The following KIAA1328 variants were observed in gnomAD, a reference collection of about 807,000 sequenced individuals.
KIAA1328 encodes the protein protein hinderin.
KIAA1328 carries 52 observed loss-of-function variants against 68.1 expected under a neutral mutation model. That is an observed-to-expected ratio of 0.76 (90% CI 0.61 to 0.96). The LOEUF (loss-of-function observed/expected upper bound fraction) is 0.96. Ranked by LOEUF, KIAA1328 falls within the 40% of genes least tolerant of loss-of-function variation. The pLI is 0.00. For missense variants in KIAA1328, 641 were observed against 677.6 expected, an observed-to-expected ratio of 0.95 and a Z score of 0.60; for synonymous variants, 232 against 239.4, an observed-to-expected ratio of 0.97 and a Z score of 0.28.
At chr18:36,907,843 G>C (rs539580142) in intron 5 of KIAA1328, among the ~76,000 whole-genome samples, 1 of 151,916 alleles carries the variant, frequency 6.6e-6, no homozygotes, top group Non-Finnish European at 1.5e-5. Context: ...TCTTAAATTC[G>C]TGTTAAAATT....
chr18:37,105,914 G>C (rs1358598472), intron 7 of KIAA1328, among the ~76,000 whole-genome samples: 2 of 29,112 alleles, frequency 6.9e-5, no homozygotes, highest in Non-Finnish European at 1.1e-4. Context: ...AAGACTCTGT[G>C]TCAAAAAAAA....
At chr18:37,086,549 T>C (rs913200749) in intron 7 of KIAA1328, among the ~76,000 whole-genome samples, 1 of 152,222 alleles carries the variant, frequency 6.6e-6, no homozygotes, top group Non-Finnish European at 1.5e-5. Context: ...ATCCTCTTTT[T>C]GGTTTATACC....
intron 9 of KIAA1328, among the ~76,000 whole-genome samples, chr18:37,191,111 G>A (rs1182193229): frequency 6.6e-6 from 1 of 152,040 alleles, no homozygotes; most frequent in African/African-American, 2.4e-5. Context: ...GGCTACACTT[G>A]GTTTCTCTGT....
At chr18:36,889,856 G>T (rs768146132) in intron 5 of KIAA1328, among the ~76,000 whole-genome samples, 1 of 152,212 alleles carries the variant, frequency 6.6e-6, no homozygotes, top group East Asian at 1.9e-4. Flanking sequence ...TTATGCAAGG[G>T]TTAGGCTGCT....
At chr18:37,147,144 C>T (rs1030963816) in intron 7 of KIAA1328, among the ~76,000 whole-genome samples, 1 of 152,194 alleles carries the variant, frequency 6.6e-6, no homozygotes, top group Non-Finnish European at 1.5e-5. Flanking sequence ...CATATCCAAT[C>T]TTAAACTGTC....
At chr18:36,915,619 A>G (rs147982938) in intron 5 of KIAA1328, among the ~76,000 whole-genome samples, 9 of 152,320 alleles carry the variant, frequency 5.9e-5, no homozygotes, top group Non-Finnish European at 4.4e-5. Context: ...AACTACAATG[A>G]GATAGTATTA....
At chr18:37,203,778 G>T (rs1341520147) in intron 9 of KIAA1328, among the ~76,000 whole-genome samples, 5 of 151,866 alleles carry the variant, frequency 3.3e-5, no homozygotes. Flanking sequence ...ATGCCCTCAG[G>T]CCTTTCCATG....
intron 5 of KIAA1328, among the ~76,000 whole-genome samples, chr18:36,931,389 G>T (rs370126506): frequency 1.3e-5 from 2 of 152,076 alleles, no homozygotes; most frequent in South Asian, 2.1e-4. Context: ...AACTGTACAC[G>T]CGAGGGATCT....
chr18:36,934,198 T>C (rs1402382540), intron 5 of KIAA1328, among the ~76,000 whole-genome samples: 1 of 152,136 alleles, frequency 6.6e-6, no homozygotes, highest in Non-Finnish European at 1.5e-5. Context: ...TGCAGGCAGC[T>C]TCCTCCCTCC....
Position 37,224,931 on chromosome 18 carries a change from A to G in KIAA1328, c.*2704A>G. On this transcript the variant is annotated 3_prime_UTR_variant, in exon 10 of 10. Coordinates refer to ENST00000280020, the MANE Select transcript of KIAA1328 (RefSeq NM_020776.3). ...AAGTAAGGCCCACAGTTCTTGATGC[A>G]GAGAACCAAAGTGAATCATAGAAAA... is the stretch of plus-strand genomic sequence containing the variant. 1.0e-6 allele frequency: 1 copy of G among 985,486 alleles called. No homozygotes were observed. The highest frequency in any genetic ancestry group is 1.7e-5 in the African/African-American group (1 of 57,376). 61.0% of individuals were successfully genotyped at this position (985,486 alleles called of 1,614,324 possible).
chr18:37,004,136 T>G (rs1043287108), intron 6 of KIAA1328, among the ~76,000 whole-genome samples: 3 of 152,100 alleles, frequency 2.0e-5, no homozygotes, highest in Non-Finnish European at 4.4e-5. Context: ...GATGGTGGTG[T>G]TTTGATGGGA....
chr18:37,119,069 G>T (rs575212898), intron 7 of KIAA1328, among the ~76,000 whole-genome samples: 4 of 152,288 alleles, frequency 2.6e-5, no homozygotes, highest in South Asian at 2.1e-4. Flanking sequence ...TTTGAAGGCA[G>T]TTTCTTGATC....
intron 5 of KIAA1328, among the ~76,000 whole-genome samples, chr18:36,953,140 C>T (rs1458402319): frequency 6.6e-6 from 1 of 150,470 alleles, no homozygotes; most frequent in Non-Finnish European, 1.5e-5. Flanking sequence ...TGCTTTGCCC[C>T]CTCTCGTGTG....
At chr18:36,838,398 C>T (rs1313761534) in intron 3 of KIAA1328, among the ~76,000 whole-genome samples, 1 of 152,136 alleles carries the variant, frequency 6.6e-6, no homozygotes, top group Non-Finnish European at 1.5e-5. Context: ...TGTTTTCATT[C>T]TTTCACGTGT....
intron 5 of KIAA1328, chr18:36,902,119 C>T (rs553457241): frequency 1.3e-5 from 2 of 151,798 alleles, no homozygotes; most frequent in Non-Finnish European, 2.9e-5. Context: ...ATTTTTGCCA[C>T]ATGTGTTGCC....
At position 36,844,259 on chromosome 18, in the gene KIAA1328, G is replaced by A. The variant is rs2046953519; in HGVS notation, c.289G>A (p.Glu97Lys). ...KSASLKDLCL[E>K]DKRRIANLIK... ...TGCATCATTGAAGGATTTATGTCTT[G>A]AAGACAAAAGACGCATTGCAAACTT... The change falls in exon 4 of 10, where the codon GAA (glutamate) becomes AAA (lysine). Residue 97 changes from glutamate (E) to lysine (K), a missense_variant. Glu to Lys is a moderately conservative substitution (Grantham distance 56). Transcript: ENST00000280020. 3.1e-6 allele frequency: 5 copies of A among 1,606,556 alleles called. No homozygotes were observed. Among genetic ancestry groups the A allele is most frequent in the Non-Finnish European group, 4.2e-6 (5 of 1,176,530 alleles).
chr18:37,129,465 TTTAA>T (rs754557764), intron 7 of KIAA1328, among the ~76,000 whole-genome samples: 1 of 152,220 alleles, frequency 6.6e-6, no homozygotes, highest in African/African-American at 2.4e-5. Flanking sequence ...ATTTTGCTTT[TTTAA>T]TTAATATTTA....
At chr18:37,120,976 T>TG (rs2058253163) in intron 7 of KIAA1328, among the ~76,000 whole-genome samples, 1 of 152,084 alleles carries the variant, frequency 6.6e-6, no homozygotes, top group South Asian at 2.1e-4. Context: ...AAGTGGTAAG[T>TG]GGAAAATATG....
intron 6 of KIAA1328, among the ~76,000 whole-genome samples, chr18:36,977,768 T>TATTTATTTTA (rs1556845638): frequency 3.3e-5 from 5 of 151,912 alleles, no homozygotes; most frequent in Non-Finnish European, 5.9e-5. Flanking sequence ...CTGTGAAGGT[T>TATTTATTTTA]TTTTATTTTA....
Sources: allele counts gnomAD v4.1 joint callset (sites outside exome capture counted in the v4.1 genomes callset), GRCh38; gene constraint gnomAD v4.1.1; transcripts MANE v1.5; gene names NCBI Gene and HGNC (gene_info 2026-07-23, HGNC 2026-07-21).